Variants in EBF1 observed in about 807,000 individuals in gnomAD.
The protein encoded by EBF1 is EBF transcription factor 1.
Under a neutral mutation model 68.4 loss-of-function variants are expected in EBF1, and 10 were observed. The ratio of observed to expected loss-of-function variants is 0.15; its 90% confidence interval spans 0.09 to 0.25. The LOEUF (loss-of-function observed/expected upper bound fraction) is 0.25. Among genes scored for constraint, EBF1 ranks in the 10% least tolerant of loss-of-function variants. The probability of loss-of-function intolerance (pLI) is 1.00; values close to 1 mark genes in which losing one functional copy is unlikely to be tolerated. For missense variants in EBF1, 509 were observed against 794.4 expected (o/e 0.64, Z 4.32); for synonymous variants, 298 against 299.8 (o/e 0.99, Z 0.06).
chr5:158,896,001 T>C (rs1466178012), intron 6 of EBF1, among the ~76,000 whole-genome samples: 1 of 152,194 alleles, frequency 6.6e-6, no homozygotes, highest in Non-Finnish European at 1.5e-5. Context: ...CCAATTACTG[T>C]ATACAACAGA....
chr5:159,032,748 A>T (rs1041059579), intron 6 of EBF1, among the ~76,000 whole-genome samples: 7 of 152,332 alleles, frequency 4.6e-5, no homozygotes, highest in African/African-American at 1.7e-4. Flanking sequence ...TTCCTTAAAA[A>T]TTTAACATTC....
chr5:159,034,576 C>A (rs1050283422), intron 6 of EBF1, among the ~76,000 whole-genome samples: 2 of 152,118 alleles, frequency 1.3e-5, no homozygotes, highest in Non-Finnish European at 2.9e-5. Flanking sequence ...CTGCTTCCAG[C>A]GAGGCCTGAC....
chr5:158,977,208 C>T (rs1756948565), intron 6 of EBF1, among the ~76,000 whole-genome samples: 2 of 152,160 alleles, frequency 1.3e-5, no homozygotes, highest in African/African-American at 4.8e-5. Context: ...CCCCAATCCA[C>T]CCTTCTTATC....
chr5:158,736,111 C>G (rs960344771), intron 10 of EBF1, among the ~76,000 whole-genome samples: 1 of 152,092 alleles, frequency 6.6e-6, no homozygotes. Context: ...TTAAAGAAAT[C>G]CACTTCACAA....
chr5:158,714,263 T>C (rs968557815), intron 11 of EBF1, 81 bp from the exon 12 acceptor site: 2 of 1,534,600 alleles, frequency 1.3e-6, no homozygotes, highest in Non-Finnish European at 1.8e-6. Context: ...TTCCAGTCCC[T>C]CTGGCCATAC....
At chr5:158,828,498 A>G (rs1786721676) in intron 7 of EBF1, among the ~76,000 whole-genome samples, 1 of 152,216 alleles carries the variant, frequency 6.6e-6, no homozygotes, top group African/African-American at 2.4e-5. Context: ...AATTCCCTAT[A>G]TAAGGACTGT....
intron 6 of EBF1, among the ~76,000 whole-genome samples, chr5:159,040,287 T>C (rs1454431148): frequency 1.3e-5 from 2 of 152,160 alleles, no homozygotes; most frequent in African/African-American, 4.8e-5. Context: ...ATTTAATAAA[T>C]GATTCTGCAA....
At chr5:158,786,890 C>G (rs1169757857) in intron 9 of EBF1, among the ~76,000 whole-genome samples, 2 of 152,076 alleles carry the variant, frequency 1.3e-5, no homozygotes, top group East Asian at 3.8e-4. Context: ...TCACCTTTCA[C>G]CAAAAGACTT....
intron 5 of EBF1, among the ~76,000 whole-genome samples, chr5:159,080,380 G>A (rs1264260922): frequency 3.9e-5 from 6 of 152,052 alleles, no homozygotes; most frequent in Admixed American, 2.6e-4. Context: ...CATCTCCCAG[G>A]CCACACCATA....
intron 6 of EBF1, among the ~76,000 whole-genome samples, chr5:159,051,140 C>T (rs1327123469): frequency 6.6e-6 from 1 of 151,996 alleles, no homozygotes; most frequent in Non-Finnish European, 1.5e-5. Context: ...AAAACTCACC[C>T]AAAGACAGGC....
At chr5:158,947,103 T>C (rs908620338) in intron 6 of EBF1, among the ~76,000 whole-genome samples, 2 of 152,188 alleles carry the variant, frequency 1.3e-5, no homozygotes, top group African/African-American at 4.8e-5. Context: ...TTCAGGCCAG[T>C]GGATCTTAGC....
intron 8 of EBF1, 136 bp from the exon 9 acceptor site, chr5:158,796,611 T>C (rs1290897271): frequency 9.1e-7 from 1 of 1,104,276 alleles, no homozygotes. Context: ...TCTCAGCATT[T>C]CCCAGCCACA....
rs185415048 is a variant in EBF1 at position 159,002,818 on chromosome 5, A to C, written c.554+70578T>G. On this transcript the variant is annotated intron_variant, in intron 6 of 15. Transcript: ENST00000313708. ...TTTGGAAATCTGTAAAGTAAAAAGG[A>C]TCTGTCATGTGCTAAACTAAAATGT... is the stretch of plus-strand genomic sequence containing the variant. Among the ~76,000 whole-genome samples the C allele has an allele frequency of 7.5e-4, 114 of 152,334 alleles. 2 individuals are homozygous for C. The highest frequency in any genetic ancestry group is 5.9e-4 in the Admixed American group (9 of 15,310).
Position 159,084,031 on chromosome 5 carries a change from A to G in EBF1, c.485+635T>C, listed in dbSNP as rs183918303. ...ATTACAGGCAAAAATAAAGACACTCATCTATGGGTCACATGAATTTTATGC... is the reference window on the plus strand; with the variant it reads ...ATTACAGGCAAAAATAAAGACACTCGTCTATGGGTCACATGAATTTTATGC... On this transcript the variant is annotated intron_variant, in intron 5 of 15. Transcript: ENST00000313708. 8.5e-5 allele frequency among the ~76,000 whole-genome samples: 13 copies of G among 152,312 alleles called. No individual in the cohort carries two copies. In the East Asian group the frequency reaches 1.9e-3, roughly 23 times the overall value.
chr5:158,771,404 T>G (rs981514309), intron 10 of EBF1, among the ~76,000 whole-genome samples: 1 of 152,100 alleles, frequency 6.6e-6, no homozygotes, highest in Non-Finnish European at 1.5e-5. Context: ...ATGTTCTATG[T>G]ATGTAAAACT....
At chr5:158,990,332 C>T (rs1050366153) in intron 6 of EBF1, among the ~76,000 whole-genome samples, 34 of 152,230 alleles carry the variant, frequency 2.2e-4, no homozygotes, top group African/African-American at 8.0e-4. Context: ...CCAGCTCAAG[C>T]TTCTTCACTG....
At chr5:158,714,005 T>C in intron 12 of EBF1, 112 bp downstream of exon 12, 2 of 1,107,828 alleles carry the variant, frequency 1.8e-6, no homozygotes, top group Middle Eastern at 2.1e-4. Context: ...CTTATACTCT[T>C]AACTCATGCA....
intron 15 of EBF1, among the ~76,000 whole-genome samples, chr5:158,706,999 C>T (rs2127472086): frequency 6.6e-6 from 1 of 152,342 alleles, no homozygotes. Context: ...GGAACCCTGG[C>T]TATGTCTCTT....
intron 6 of EBF1, among the ~76,000 whole-genome samples, chr5:159,023,315 T>A (rs889664144): frequency 2.0e-5 from 3 of 152,194 alleles, no homozygotes; most frequent in Non-Finnish European, 4.4e-5. Context: ...AAAAACCTTA[T>A]GAAAAACAAA....
Sources: allele counts gnomAD v4.1 joint callset (sites outside exome capture counted in the v4.1 genomes callset), GRCh38; gene constraint gnomAD v4.1.1; transcripts MANE v1.5; gene names NCBI Gene and HGNC (gene_info 2026-07-23, HGNC 2026-07-21).